The following AKR1B15 variants were observed in gnomAD, a reference collection of about 807,000 sequenced individuals.
The protein encoded by AKR1B15 is estradiol 17-beta-dehydrogenase AKR1B15.
A neutral mutation model predicts 38.5 loss-of-function variants in AKR1B15; 49 were observed. The observed-to-expected ratio is 1.27, with a 90% CI of 1.01 to 1.62. The LOEUF is 1.62. AKR1B15 is among the 40% of genes most tolerant of loss of function. The pLI is 0.00. For missense variants in AKR1B15, 411 were observed against 381.6 expected, an observed-to-expected ratio of 1.08 and a Z score of -0.64; for synonymous variants, 137 against 135.5, an observed-to-expected ratio of 1.01 and a Z score of -0.08.
At chr7:134,574,468 T>C (rs1222378690) in intron 6 of AKR1B15, among the ~76,000 whole-genome samples, 4 of 152,194 alleles carry the variant, frequency 2.6e-5, no homozygotes, top group African/African-American at 9.7e-5. Context: ...CTTCTCTGCC[T>C]TTCTGACTCT....
intron 10 of AKR1B15, 107 bp from the exon 11 acceptor site, chr7:134,577,597 A>T (rs1464334704): frequency 8.6e-6 from 11 of 1,286,108 alleles, no homozygotes; most frequent in Non-Finnish European, 1.2e-5. Context: ...TCCTATGGCC[A>T]GTTTGTGCTG....
chr7:134,556,286 C>T (rs186138571), intron 1 of AKR1B15, among the ~76,000 whole-genome samples: 10 of 152,242 alleles, frequency 6.6e-5, no homozygotes, highest in African/African-American at 2.2e-4. Flanking sequence ...CCATTTTGGA[C>T]GGGATACATC....
intron 3 of AKR1B15, among the ~76,000 whole-genome samples, chr7:134,566,307 A>G (rs116384773): frequency 0.012 from 1,769 of 152,204 alleles, 36 homozygotes; most frequent in African/African-American, 0.039. Context: ...AGAAAGAAAG[A>G]AAGAGAAAAA....
chr7:134,561,715 C>A (rs1266794985), intron 2 of AKR1B15, among the ~76,000 whole-genome samples: 1 of 152,100 alleles, frequency 6.6e-6, no homozygotes, highest in Non-Finnish European at 1.5e-5. Flanking sequence ...CCACTACCGG[C>A]AGGCTGAAAC....
chr7:134,576,302 C>T (rs1372333501), intron 8 of AKR1B15, 47 bp from the exon 9 acceptor site: 1 of 1,581,632 alleles, frequency 6.3e-7, no homozygotes, highest in Admixed American at 1.7e-5. Context: ...TCCTTCTGTA[C>T]ACGGTAGCCA....
At chr7:134,563,674 GC>G (rs1190591015) in intron 2 of AKR1B15, among the ~76,000 whole-genome samples, 1 of 152,180 alleles carries the variant, frequency 6.6e-6, no homozygotes, top group African/African-American at 2.4e-5. Flanking sequence ...TCTGTGTCTG[GC>G]TAAAGGATTG....
chr7:134,578,917 T>A (rs938624038), intron 11 of AKR1B15, among the ~76,000 whole-genome samples: 12 of 152,358 alleles, frequency 7.9e-5, no homozygotes, highest in Middle Eastern at 3.4e-3. Context: ...CCTATGAGCA[T>A]CATTTCTGGT....
intron 1 of AKR1B15, among the ~76,000 whole-genome samples, chr7:134,551,657 G>A (rs750581873): frequency 2.0e-5 from 3 of 152,126 alleles, no homozygotes; most frequent in Non-Finnish European, 2.9e-5. Flanking sequence ...CAAAAAGACA[G>A]GCAAAAAGCT....
intron 7 of AKR1B15, 80 bp downstream of exon 7, chr7:134,575,622 C>T (rs1794752570): frequency 3.1e-6 from 5 of 1,592,580 alleles, no homozygotes; most frequent in Non-Finnish European, 3.4e-6. Context: ...CAATGCTATG[C>T]CCTGAGTCTT....
At chr7:134,551,290 G>A (rs1032780641) in intron 1 of AKR1B15, among the ~76,000 whole-genome samples, 1 of 152,132 alleles carries the variant, frequency 6.6e-6, no homozygotes, top group African/African-American at 2.4e-5. Flanking sequence ...ACTGACAGAG[G>A]CCCAAATCCC....
intron 2 of AKR1B15, among the ~76,000 whole-genome samples, chr7:134,563,842 C>T (rs954492916): frequency 3.3e-5 from 5 of 152,172 alleles, no homozygotes; most frequent in African/African-American, 9.7e-5. Context: ...TCCCAACACC[C>T]GTTTCTAGCC....
In AKR1B15 at chr7:134,576,307, T is replaced by C. The variant is rs1321964432; in HGVS notation, c.744-42T>C. The C allele has an allele frequency of 3.1e-6, 5 of 1,587,888 alleles. No individual in the cohort carries two copies. In the South Asian group the frequency reaches 3.3e-5, roughly 11 times the overall value. ...TGGAGTGGTGTCCTTCTGTACACGGTAGCCATGGTGATTATTCACATCAGC... is the reference window on the plus strand; with the variant it reads ...TGGAGTGGTGTCCTTCTGTACACGGCAGCCATGGTGATTATTCACATCAGC... On this transcript the variant is annotated intron_variant, in intron 8 of 11. Transcript: ENST00000457545.
chr7:134,565,716 C>T (rs1373076270), intron 3 of AKR1B15, among the ~76,000 whole-genome samples: 3 of 152,190 alleles, frequency 2.0e-5, no homozygotes, highest in Non-Finnish European at 4.4e-5. Context: ...CTGATTCAAG[C>T]TGCAATGCTG....
chr7:134,565,786 G>GC (rs1794519746), intron 3 of AKR1B15, among the ~76,000 whole-genome samples: 1 of 152,168 alleles, frequency 6.6e-6, no homozygotes. Context: ...ATTTCAAGCA[G>GC]AGTTGGACTT....
intron 4 of AKR1B15, among the ~76,000 whole-genome samples, chr7:134,569,040 T>C (rs1467345535): frequency 1.3e-5 from 2 of 152,136 alleles, no homozygotes; most frequent in Non-Finnish European, 2.9e-5. Flanking sequence ...GGGCCATCTA[T>C]TCCCAAAGGC....
chr7:134,577,062 G>A lies in AKR1B15; in HGVS notation c.909+16G>A. 6.2e-7 allele frequency: 1 copy of A among 1,605,206 alleles called. No homozygotes were observed. Among genetic ancestry groups the A allele is most frequent in the Middle Eastern group, 1.7e-4 (1 of 6,034 alleles). ...GAACATTCAGGTAAGTTTCCGGCTGGTCGGGCCTGGTATTCCTCAGTGGAG... is the reference window on the plus strand; with the variant it reads ...GAACATTCAGGTAAGTTTCCGGCTGATCGGGCCTGGTATTCCTCAGTGGAG... On this transcript the variant is annotated intron_variant, in intron 10 of 11. Transcript: ENST00000457545.
intron 6 of AKR1B15, among the ~76,000 whole-genome samples, chr7:134,574,434 A>AC (rs1794721968): frequency 2.0e-5 from 3 of 151,748 alleles, no homozygotes; most frequent in Non-Finnish European, 4.4e-5. Context: ...TCCCCTGACA[A>AC]CTGCGGGCTG....
Position 134,568,293 on chromosome 7 carries a change from G to A in AKR1B15, c.286G>A (p.Val96Met), listed in dbSNP as rs1311147649. 1.7e-5 allele frequency: 27 copies of A among 1,614,012 alleles called. No homozygotes were observed. The highest frequency in any genetic ancestry group is 2.0e-5 in the Non-Finnish European group (24 of 1,179,982). Residue 96 changes from valine (V) to methionine (M), a missense_variant, in exon 4 of 12, where the codon GTG becomes ATG. Physicochemically the swap from Val to Met is conservative, Grantham distance 21. This residue lies in a region of AKR1B15 where 254 missense variants were observed against 212.4 expected (regional missense o/e 1.20). Coordinates refer to ENST00000457545, the MANE Select transcript of AKR1B15 (RefSeq NM_001080538.3). ...AIQEKIQEKA[V>M]MREDLFIVSK... ...CCAAGAGAAGATCCAAGAGAAGGCT[G>A]TGATGCGGGAGGACCTGTTCATCGT... is the stretch of plus-strand genomic sequence containing the variant.
chr7:134,578,333 A>C (rs990174124), intron 11 of AKR1B15, among the ~76,000 whole-genome samples: 12 of 152,174 alleles, frequency 7.9e-5, no homozygotes, highest in Non-Finnish European at 1.8e-4. Context: ...GGGATATGCC[A>C]TATGTATATT....
Sources: gnomAD v4.1 joint callset for allele counts (sites outside exome capture counted in the v4.1 genomes callset) on GRCh38, gnomAD v4.1.1 for gene constraint, gnomAD v4.1.1 regional missense constraint, MANE v1.5 for transcripts, NCBI Gene and HGNC (gene_info 2026-07-23, HGNC 2026-07-21) for gene names.